Variants in FXYD3 observed in about 807,000 individuals in gnomAD.
FXYD3 encodes the protein FXYD domain-containing ion transport regulator 3.
FXYD3 carries 13 observed loss-of-function variants against 19.2 expected under a neutral mutation model. The ratio of observed to expected loss-of-function variants is 0.68; its 90% CI spans 0.44 to 1.08. The LOEUF (loss-of-function observed/expected upper bound fraction) is 1.08, where lower values mean the gene tolerates loss of function less well. Among genes scored for constraint, FXYD3 ranks in the 50% least tolerant of loss-of-function variants. FXYD3 has a pLI of 0.00. For missense variants in FXYD3, 101 were observed against 109.4 expected, an observed-to-expected ratio of 0.92 and a Z score of 0.34; for synonymous variants, 48 against 38.9, an observed-to-expected ratio of 1.23 and a Z score of -0.87.
Position 35,123,783 on chromosome 19 carries a change from C to T in FXYD3, c.*326C>T. The stretch of plus-strand genomic sequence containing the variant: ...TGCTTGTTGGGAAAAGCCCACAGGC[C>T]TGTTCCCTTGTGGCTTGGGACATGG... On this transcript the variant is annotated 3_prime_UTR_variant, in exon 9 of 9. Coordinates refer to ENST00000604404, the MANE Select transcript of FXYD3 (RefSeq NM_005971.4). 1 of 455,280 alleles carries T rather than the reference C, an allele frequency of 2.2e-6. No homozygotes were observed. Among genetic ancestry groups the T allele is most frequent in the Non-Finnish European group, 4.0e-6 (1 of 250,846 alleles). 28.2% of individuals were successfully genotyped at this position (455,280 alleles called of 1,614,324 possible). A position where few individuals can be genotyped will look rare whatever the true frequency, so the allele number is the denominator to read the frequency against.
chr19:35,121,966 G>A (rs995310800), intron 5 of FXYD3: 1 of 153,136 alleles, frequency 6.5e-6, no homozygotes, highest in African/African-American at 2.4e-5. Flanking sequence ...GAATAGCTGG[G>A]ACTGCAGGCA....
intron 3 of FXYD3, among the ~76,000 whole-genome samples, chr19:35,120,836 C>A (rs2065025471): frequency 1.3e-5 from 2 of 152,206 alleles, no homozygotes; most frequent in South Asian, 2.1e-4. Flanking sequence ...TGGCTAAAAA[C>A]CTCCTAGATT....
intron 7 of FXYD3, 88 bp downstream of exon 7, chr19:35,123,042 G>T: frequency 1.3e-6 from 2 of 1,486,258 alleles, no homozygotes; most frequent in South Asian, 1.4e-5. Context: ...GAGAGGCCTC[G>T]GGGCTCTGCC....
chr19:35,116,211 A>G (rs1287503495), intron 1 of FXYD3, 53 bp from the exon 2 acceptor site: 1 of 985,382 alleles, frequency 1.0e-6, no homozygotes, highest in Non-Finnish European at 1.2e-6. Context: ...CTTTAAGAGC[A>G]GGAATGGAGC....
chr19:35,117,066 A>C, intron 2 of FXYD3: 1 of 985,368 alleles, frequency 1.0e-6, no homozygotes, highest in Non-Finnish European at 1.2e-6. Flanking sequence ...CATGGCCAGG[A>C]AGGATGAGAG....
chr19:35,124,255 T>C lies in FXYD3; in HGVS notation c.*798T>C, dbSNP rs1802803. On this transcript the variant is annotated 3_prime_UTR_variant, in exon 9 of 9. Coordinates refer to ENST00000604404, the MANE Select transcript of FXYD3 (RefSeq NM_005971.4). ...GCCTAAAACTCAAAACACCCAAAAATATCTCCTCCAATGTCCTGAAACATG... is the reference window on the plus strand; with the variant it reads ...GCCTAAAACTCAAAACACCCAAAAACATCTCCTCCAATGTCCTGAAACATG... 1 of 152,164 alleles carries C rather than the reference T, an allele frequency of 6.6e-6. No homozygotes were observed. Among genetic ancestry groups the C allele is most frequent in the Non-Finnish European group, 1.5e-5 (1 of 68,040 alleles). The allele number at this position is 152,164 out of a possible 1,614,324, so 9.4% of individuals were successfully genotyped here.
intron 5 of FXYD3, 30 bp downstream of exon 5, chr19:35,121,275 C>G: frequency 6.2e-7 from 1 of 1,614,154 alleles, no homozygotes; most frequent in Non-Finnish European, 8.5e-7. Context: ...TTCCCCTCCC[C>G]ACAACCCCAC....
At chr19:35,122,880 G>A (rs1263994051) in intron 6 of FXYD3, 38 bp from the exon 7 acceptor site, 1 of 1,613,860 alleles carries the variant, frequency 6.2e-7, no homozygotes, top group Admixed American at 1.7e-5. Context: ...GCCGGGGCTG[G>A]GGCTCCCCTC....
rs762579087 is a variant in FXYD3, at chr19:35,121,257, T to A, written c.97+12T>A. On this transcript the variant is annotated intron_variant, in intron 5 of 8. Coordinates refer to ENST00000604404, the MANE Select transcript of FXYD3 (RefSeq NM_005971.4). ...TCCTTTCTACTATGGTGAGAGCCCG[T>A]GCCCCCTTTCCCCTCCCCACAACCC... is the stretch of plus-strand genomic sequence containing the variant. 2.5e-6 allele frequency: 4 copies of A among 1,614,032 alleles called. No homozygotes were observed. The highest frequency in any genetic ancestry group is 3.4e-6 in the Non-Finnish European group (4 of 1,179,888).
rs946241200 is a variant in FXYD3, at chr19:35,123,960, A to G, written c.*503A>G. The G allele has an allele frequency of 1.7e-5, 3 of 172,660 alleles. No homozygotes were observed. The highest frequency in any genetic ancestry group is 7.1e-5 in the African/African-American group (3 of 42,094). 10.7% of individuals were successfully genotyped at this position (172,660 alleles called of 1,614,324 possible). A position where few individuals can be genotyped will look rare whatever the true frequency, so the allele number is the denominator to read the frequency against. ...GACCATTCCAGGAAAACTGGGACAT[A>G]GGATCGTCCCGCTATGATGGAAGTG... On this transcript the variant is annotated 3_prime_UTR_variant, in exon 9 of 9. Coordinates refer to ENST00000604404, the MANE Select transcript of FXYD3 (RefSeq NM_005971.4).
chr19:35,120,710 A>G (rs1270117231), intron 3 of FXYD3, among the ~76,000 whole-genome samples: 2 of 152,144 alleles, frequency 1.3e-5, no homozygotes, highest in Non-Finnish European at 2.9e-5. Context: ...GCATGATTGG[A>G]CTTGGGGAAA....
intron 3 of FXYD3, chr19:35,119,641 T>G: frequency 2.1e-6 from 1 of 473,144 alleles, no homozygotes; most frequent in Non-Finnish European, 3.7e-6. Context: ...TCTCGATCTC[T>G]TCTTTTTTTT....
chr19:35,117,456 T>A, intron 2 of FXYD3: 1 of 1,249,726 alleles, frequency 8.0e-7, no homozygotes, highest in Non-Finnish European at 1.1e-6. Context: ...ACAACTGCAA[T>A]GTGGGCTAAT....
Position 35,115,957 on chromosome 19 carries a change from G to A in FXYD3, c.-113G>A, listed in dbSNP as rs1233919466. The A allele has an allele frequency of 6.6e-6, 1 of 152,320 alleles. No individual in the cohort carries two copies. The highest frequency in any genetic ancestry group is 2.4e-5 in the African/African-American group (1 of 41,446). The allele number at this position is 152,320 out of a possible 1,614,324, so 9.4% of individuals were successfully genotyped here. ...AACACATCATCTAAGGAAAAGAAGTGAGGTCGGAACACCAACGCATCATCT... is the reference window on the plus strand; with the variant it reads ...AACACATCATCTAAGGAAAAGAAGTAAGGTCGGAACACCAACGCATCATCT... On this transcript the variant is annotated splice_region_variant and 5_prime_UTR_variant, in exon 1 of 9. Coordinates refer to ENST00000604404, the MANE Select transcript of FXYD3 (RefSeq NM_005971.4).
At position 35,123,739 on chromosome 19, in the gene FXYD3, C is replaced by G. The variant is rs1354534670; in HGVS notation, c.*282C>G. The stretch of plus-strand genomic sequence containing the variant: ...GGTTGGCGTGCCCTGGAGGCTGACA[C>G]AGAGGCTGGCACTGAGCCTGCTTGT... On this transcript the variant is annotated 3_prime_UTR_variant, in exon 9 of 9. Transcript: ENST00000604404. The G allele has an allele frequency of 3.7e-6, 2 of 537,972 alleles. No individual in the cohort carries two copies. Among genetic ancestry groups the G allele is most frequent in the Non-Finnish European group, 6.7e-6 (2 of 299,644 alleles). The allele number at this position is 537,972 out of a possible 1,614,324, so 33.3% of individuals were successfully genotyped here. A position where few individuals can be genotyped will look rare whatever the true frequency, so the allele number is the denominator to read the frequency against.
chr19:35,124,165 TC>T lies in FXYD3; in HGVS notation c.*711del, dbSNP rs1568390359. 2.0e-5 allele frequency: 3 copies of T among 152,752 alleles called. No individual in the cohort carries two copies. The highest frequency in any genetic ancestry group is 4.4e-5 in the Non-Finnish European group (3 of 68,306). 9.5% of individuals were successfully genotyped at this position (152,752 alleles called of 1,614,324 possible). A position where few individuals can be genotyped will look rare whatever the true frequency, so the allele number is the denominator to read the frequency against. Reference sequence around the variant, plus strand: ...TGAGAACTTCCAACAAGCCTCAAAGTCCCTTGAGACTCCCCAATACCTAATA... The same window carrying T: ...TGAGAACTTCCAACAAGCCTCAAAGTCCTTGAGACTCCCCAATACCTAATA... On this transcript the variant is annotated 3_prime_UTR_variant, in exon 9 of 9. Coordinates refer to ENST00000604404, the MANE Select transcript of FXYD3 (RefSeq NM_005971.4).
chr19:35,120,297 G>A (rs1276903114), intron 3 of FXYD3, among the ~76,000 whole-genome samples: 2 of 152,072 alleles, frequency 1.3e-5, no homozygotes, highest in Non-Finnish European at 2.9e-5. Flanking sequence ...GTGCTGCCAT[G>A]CCTGGCTAAC....
Position 35,122,949 on chromosome 19 carries a change from G to A in FXYD3, c.204G>A (p.Lys68=), listed in dbSNP as rs952432050. The change falls in exon 7 of 9, where the codon AAG becomes AAA. Residue 68 remains lysine, a synonymous_variant. Transcript: ENST00000604404. ...SAKCKCKFGQ[K]SGHHPGETPP... is the part of the protein sequence containing the mutation. ...AATGCAAATGCAAGTTTGGCCAGAAGTCCGGGTAAGATACTGTTCCGGCAT... is the reference window on the plus strand; with the variant it reads ...AATGCAAATGCAAGTTTGGCCAGAAATCCGGGTAAGATACTGTTCCGGCAT... 1 of 1,597,000 alleles carries A rather than the reference G, an allele frequency of 6.3e-7. No homozygotes were observed. The highest frequency in any genetic ancestry group is 1.3e-5 in the African/African-American group (1 of 74,692).
intron 3 of FXYD3, among the ~76,000 whole-genome samples, chr19:35,120,053 C>A (rs2065005062): frequency 1.3e-5 from 2 of 152,126 alleles, no homozygotes; most frequent in Non-Finnish European, 2.9e-5. Context: ...AAGATAACTG[C>A]CCTGCCAGTT....
Sources: gnomAD v4.1 joint callset for allele counts (sites outside exome capture counted in the v4.1 genomes callset) on GRCh38, gnomAD v4.1.1 for gene constraint, MANE v1.5 for transcripts, NCBI Gene and HGNC (gene_info 2026-07-23, HGNC 2026-07-21) for gene names.